The following NR1D2 variants were observed in gnomAD, a reference collection of about 807,000 sequenced individuals.
NR1D2 encodes V-erbA-related protein 1-related.
In NR1D2, 25 loss-of-function variants were observed where a neutral mutation model predicts 52.2. The observed-to-expected ratio is 0.48, with a 90% CI of 0.35 to 0.67. The LOEUF (loss-of-function observed/expected upper bound fraction) is 0.67. NR1D2 is among the 30% of genes least tolerant of loss of function. The pLI is 0.01. For synonymous variants in NR1D2, 259 were observed against 230.1 expected (o/e 1.13, Z -1.14); for missense variants, 681 against 707.2 (o/e 0.96, Z 0.42).
intron 5 of NR1D2, among the ~76,000 whole-genome samples, chr3:23,962,812 C>T (rs534251244): frequency 6.6e-6 from 1 of 152,208 alleles, no homozygotes; most frequent in South Asian, 2.1e-4. Flanking sequence ...TAGGTACAAG[C>T]ATGTGATTTG....
At chr3:23,948,261 A>C (rs1209558131) in intron 1 of NR1D2, among the ~76,000 whole-genome samples, 1 of 152,172 alleles carries the variant, frequency 6.6e-6, no homozygotes, top group African/African-American at 2.4e-5. Context: ...TGATCCTGTA[A>C]TCTTACTGTC....
At chr3:23,951,249 A>C (rs1328293832) in intron 1 of NR1D2, among the ~76,000 whole-genome samples, 6 of 152,226 alleles carry the variant, frequency 3.9e-5, no homozygotes, top group Non-Finnish European at 7.3e-5. Flanking sequence ...GGTAGTCAGC[A>C]GATCTTGTGA....
intron 3 of NR1D2, among the ~76,000 whole-genome samples, chr3:23,959,263 CAAAA>C (rs5847262): frequency 6.5e-5 from 6 of 91,666 alleles, no homozygotes; most frequent in Admixed American, 1.2e-4. Flanking sequence ...GATCCTATCT[CAAAA>C]AAAAAAAAAA....
At chr3:23,951,185 G>A (rs986884499) in intron 1 of NR1D2, among the ~76,000 whole-genome samples, 4 of 152,090 alleles carry the variant, frequency 2.6e-5, no homozygotes, top group African/African-American at 7.2e-5. Flanking sequence ...GGTTACAGGC[G>A]TGAGCCACTG....
chr3:23,949,879 A>G (rs1705879000), intron 1 of NR1D2, among the ~76,000 whole-genome samples: 1 of 152,230 alleles, frequency 6.6e-6, no homozygotes, highest in African/African-American at 2.4e-5. Flanking sequence ...ATGGGTAAGA[A>G]GACCCCAATA....
rs1236001217 is a variant in NR1D2 at position 23,965,081 on chromosome 3, G to A, written c.1251G>A (p.Val417=). The A allele has an allele frequency of 1.2e-6, 2 of 1,614,034 alleles. No homozygotes were observed. The highest frequency in any genetic ancestry group is 1.7e-6 in the Non-Finnish European group (2 of 1,179,972). ...TCACTCCAGCAGTGAAAGAAGTGGT[G>A]GAATTTGCAAAGCGTATTCCTGGGT... ...MSFTPAVKEV[V]EFAKRIPGFR... The change falls in exon 6 of 8, where the codon GTG becomes GTA. Residue 417 remains valine, a synonymous_variant. Coordinates refer to ENST00000312521, the MANE Select transcript of NR1D2 (RefSeq NM_005126.5).
At chr3:23,960,596 C>T (rs994450637) in intron 4 of NR1D2, among the ~76,000 whole-genome samples, 6 of 152,128 alleles carry the variant, frequency 3.9e-5, no homozygotes, top group African/African-American at 1.2e-4. Context: ...CCTCCCAAAG[C>T]GCTGGGATTA....
chr3:23,946,043 G>T (rs1478469826), intron 1 of NR1D2: 1 of 945,936 alleles, frequency 1.1e-6, no homozygotes, highest in Admixed American at 6.2e-5. Flanking sequence ...GCGCGCGCGC[G>T]CGCTGGCTGG....
intron 6 of NR1D2, among the ~76,000 whole-genome samples, chr3:23,967,037 A>G (rs926241775): frequency 6.6e-6 from 1 of 151,562 alleles, no homozygotes; most frequent in Non-Finnish European, 1.5e-5. Flanking sequence ...AAATAAATAA[A>G]TAAATAGGCC....
intron 3 of NR1D2, among the ~76,000 whole-genome samples, chr3:23,957,963 T>C (rs1225880871): frequency 6.6e-6 from 1 of 152,258 alleles, no homozygotes; most frequent in Non-Finnish European, 1.5e-5. Context: ...GAAATGTGTT[T>C]AGTTGTCATA....
At chr3:23,968,164 T>C (rs1049462159) in intron 7 of NR1D2, 141 bp downstream of exon 7, 2 of 643,718 alleles carry the variant, frequency 3.1e-6, no homozygotes, top group African/African-American at 3.7e-5. Flanking sequence ...GACCCTGTTA[T>C]TTTTGTGTAA....
intron 5 of NR1D2, chr3:23,964,762 T>G (rs1706395128): frequency 2.4e-6 from 1 of 411,238 alleles, no homozygotes; most frequent in South Asian, 6.4e-5. Context: ...AGGCTTTTTT[T>G]TAATGATAAG....
chr3:23,954,245 G>A (rs1040367644), intron 1 of NR1D2, among the ~76,000 whole-genome samples: 3 of 152,152 alleles, frequency 2.0e-5, no homozygotes, highest in African/African-American at 7.2e-5. Context: ...CTAGGCTCAA[G>A]CGACAATCCT....
At chr3:23,970,282 C>T (rs1249414152) in intron 7 of NR1D2, among the ~76,000 whole-genome samples, 2 of 152,092 alleles carry the variant, frequency 1.3e-5, no homozygotes, top group African/African-American at 2.4e-5. Flanking sequence ...GGGCCAACTT[C>T]CCAGAGGTAG....
intron 1 of NR1D2, among the ~76,000 whole-genome samples, chr3:23,947,733 A>T (rs936073132): frequency 1.3e-5 from 2 of 152,228 alleles, no homozygotes; most frequent in Non-Finnish European, 2.9e-5. Context: ...TCTCTCGTTC[A>T]TTTGGCCTTA....
chr3:23,946,250 C>T (rs1705702519), intron 1 of NR1D2: 1 of 985,432 alleles, frequency 1.0e-6, no homozygotes, highest in Admixed American at 6.1e-5. Flanking sequence ...GCTCTTTTCG[C>T]GAGGTGACCC....
rs192398644 is a variant in NR1D2 at position 23,950,405 on chromosome 3, C to T, written c.17-4132C>T. 1.5e-4 allele frequency among the ~76,000 whole-genome samples: 23 copies of T among 152,246 alleles called. No homozygotes were observed. The East Asian group carries it at 4.2e-3, about 28-fold the overall frequency. On this transcript the variant is annotated intron_variant, in intron 1 of 7. Coordinates refer to ENST00000312521, the MANE Select transcript of NR1D2 (RefSeq NM_005126.5). ...TTGATGAAAGTTAATTCACAGAGTT[C>T]TTCTTGTGAGGATGAAATTGTGTCA...
intron 7 of NR1D2, among the ~76,000 whole-genome samples, chr3:23,976,986 CAGT>C (rs1706742961): frequency 7.1e-6 from 1 of 140,116 alleles, no homozygotes; most frequent in Non-Finnish European, 1.5e-5. Flanking sequence ...AAATTCTTAA[CAGT>C]AAAGAATTTT....
rs748572555 is a variant in NR1D2, at chr3:23,967,956, G to A, written c.1476G>A (p.Lys492=). ...ACTCTATGTTTGAATTTAGTGAGAA[G>A]CTAAATGCCCTCCAACTTAGTGATG... is the stretch of plus-strand genomic sequence containing the variant. ...LLNSMFEFSE[K]LNALQLSDEE... is the part of the protein sequence containing the mutation. Residue 492 remains lysine (K), a synonymous_variant, in exon 7 of 8, where the codon AAG becomes AAA. Transcript: ENST00000312521. 6 of 1,614,126 alleles carry A rather than the reference G, an allele frequency of 3.7e-6. No homozygotes were observed. Among genetic ancestry groups the A allele is most frequent in the Non-Finnish European group, 5.1e-6 (6 of 1,179,970 alleles).
Sources: gnomAD v4.1 joint callset for allele counts (sites outside exome capture counted in the v4.1 genomes callset) on GRCh38, gnomAD v4.1.1 for gene constraint, MANE v1.5 for transcripts, NCBI Gene and HGNC (gene_info 2026-07-23, HGNC 2026-07-21) for gene names.